Variants in ME1 observed in about 807,000 individuals in gnomAD.
ME1 encodes the protein NADP-dependent malic enzyme.
In ME1, 74 loss-of-function variants were observed where a neutral mutation model predicts 66.4. That is an observed-to-expected ratio of 1.11 (90% CI 0.92 to 1.35). The LOEUF is 1.35. ME1 is among the 40% of genes most tolerant of loss of function. The pLI is 0.00. For synonymous variants in ME1, 251 were observed against 235.6 expected (o/e 1.07, Z -0.60); for missense variants, 750 against 694.1 (o/e 1.08, Z -0.90).
chr6:83,231,028 G>A (rs973479065), intron 9 of ME1, among the ~76,000 whole-genome samples: 27 of 152,108 alleles, frequency 1.8e-4, no homozygotes, highest in African/African-American at 6.5e-4. Context: ...TTTTTAAGAG[G>A]TTATGTGCTA....
chr6:83,394,745 AT>A (rs1769696365), intron 3 of ME1, among the ~76,000 whole-genome samples: 1 of 152,196 alleles, frequency 6.6e-6, no homozygotes, highest in African/African-American at 2.4e-5. Context: ...GTAGAAAGAC[AT>A]ATGCAACTTG....
At chr6:83,313,252 A>G (rs1034684406) in intron 6 of ME1, among the ~76,000 whole-genome samples, 1 of 152,212 alleles carries the variant, frequency 6.6e-6, no homozygotes, top group Non-Finnish European at 1.5e-5. Context: ...GTTATGACAG[A>G]AAGTATTTTT....
At chr6:83,307,212 A>G (rs1767841524) in intron 6 of ME1, among the ~76,000 whole-genome samples, 1 of 152,002 alleles carries the variant, frequency 6.6e-6, no homozygotes. Flanking sequence ...ATGACCCACC[A>G]TTTTTGTTCA....
intron 6 of ME1, among the ~76,000 whole-genome samples, chr6:83,286,907 T>G (rs1767407424): frequency 6.6e-6 from 1 of 152,122 alleles, no homozygotes; most frequent in Non-Finnish European, 1.5e-5. Context: ...AAAAGCAGCT[T>G]AAAAAGAAAG....
At chr6:83,224,162 A>G (rs1790143857) in intron 11 of ME1, among the ~76,000 whole-genome samples, 1 of 152,160 alleles carries the variant, frequency 6.6e-6, no homozygotes, top group African/African-American at 2.4e-5. Flanking sequence ...CAGGAGGAGC[A>G]TGCAAAGTAC....
rs186406636 is a variant in ME1 at position 83,243,364 on chromosome 6, T to G, written c.815-3728A>C. On this transcript the variant is annotated intron_variant, in intron 7 of 13. Coordinates refer to ENST00000369705, the MANE Select transcript of ME1 (RefSeq NM_002395.6). ...ATTATATTTATATATTTATATAATA[T>G]ATTATATAATAGATTATATTTATAT... Among the ~76,000 whole-genome samples, 205 of 123,514 alleles carry G rather than the reference T, an allele frequency of 1.7e-3. 1 individual carries two copies. The highest frequency in any genetic ancestry group is 6.3e-3 in the African/African-American group (195 of 30,886). The allele number at this position is 123,514 out of a possible 152,430, so 81.0% of individuals were successfully genotyped here. A position where few individuals can be genotyped will look rare whatever the true frequency, so the allele number is the denominator to read the frequency against.
intron 6 of ME1, among the ~76,000 whole-genome samples, chr6:83,298,916 T>C (rs1767654236): frequency 6.9e-6 from 1 of 144,578 alleles, no homozygotes; most frequent in South Asian, 2.3e-4. Flanking sequence ...TGCTGTTCCA[T>C]TAGTCTATGT....
intron 6 of ME1, among the ~76,000 whole-genome samples, chr6:83,281,531 C>G (rs1462162024): frequency 6.6e-6 from 1 of 152,062 alleles, no homozygotes; most frequent in East Asian, 1.9e-4. Flanking sequence ...TCCGGCCAGG[C>G]ACAGTGGCTT....
At chr6:83,424,545 T>G (rs1770332296) in intron 1 of ME1, among the ~76,000 whole-genome samples, 1 of 152,048 alleles carries the variant, frequency 6.6e-6, no homozygotes, top group African/African-American at 2.4e-5. Context: ...AACACAAAAA[T>G]CAAAAGACAG....
At chr6:83,230,159 GT>G (rs1790275464) in intron 9 of ME1, among the ~76,000 whole-genome samples, 1 of 150,706 alleles carries the variant, frequency 6.6e-6, no homozygotes, top group African/African-American at 2.4e-5. Context: ...TGTTGTTGTT[GT>G]TTTTAATTTT....
chr6:83,326,983 T>C (rs984335410), intron 5 of ME1, among the ~76,000 whole-genome samples: 12 of 152,224 alleles, frequency 7.9e-5, no homozygotes, highest in African/African-American at 2.9e-4. Flanking sequence ...GAAGATTTTA[T>C]AGACATTTAT....
chr6:83,325,788 G>T (rs764287872), intron 5 of ME1, among the ~76,000 whole-genome samples: 3 of 151,804 alleles, frequency 2.0e-5, no homozygotes, highest in African/African-American at 4.8e-5. Flanking sequence ...TGACCATAGG[G>T]CCCAAAGTAA....
intron 3 of ME1, among the ~76,000 whole-genome samples, chr6:83,352,853 A>T (rs1443336865): frequency 6.6e-6 from 1 of 152,218 alleles, no homozygotes; most frequent in East Asian, 1.9e-4. Flanking sequence ...ACATACAGAG[A>T]ACCACATATA....
At chr6:83,393,140 C>T in intron 3 of ME1, 1 of 1,355,364 alleles carries the variant, frequency 7.4e-7, no homozygotes. Flanking sequence ...TGGACCTGAC[C>T]TGCCGTCTGG....
chr6:83,219,471 A>C (rs2128522866), intron 12 of ME1, among the ~76,000 whole-genome samples: 1 of 152,346 alleles, frequency 6.6e-6, no homozygotes, highest in Middle Eastern at 3.4e-3. Flanking sequence ...TCTCATCAGT[A>C]ATACAGGACT....
intron 6 of ME1, among the ~76,000 whole-genome samples, chr6:83,308,390 T>C (rs1232024406): frequency 6.6e-6 from 1 of 151,816 alleles, no homozygotes; most frequent in Non-Finnish European, 1.5e-5. Flanking sequence ...TAATAATCAT[T>C]AATGAAATTC....
intron 6 of ME1, among the ~76,000 whole-genome samples, chr6:83,313,984 T>C (rs1350030156): frequency 6.6e-6 from 1 of 152,106 alleles, no homozygotes; most frequent in Non-Finnish European, 1.5e-5. Flanking sequence ...AAAATAAACA[T>C]TATAATAAAA....
At chr6:83,270,909 T>C (rs1231704535) in intron 6 of ME1, among the ~76,000 whole-genome samples, 1 of 151,324 alleles carries the variant, frequency 6.6e-6, no homozygotes, top group Admixed American at 6.6e-5. Flanking sequence ...ATAAATAACA[T>C]AAGAATGTCA....
chr6:83,370,438 T>C (rs763054750), intron 3 of ME1, among the ~76,000 whole-genome samples: 1 of 152,104 alleles, frequency 6.6e-6, no homozygotes, highest in Non-Finnish European at 1.5e-5. Context: ...ATTGTTTGAA[T>C]ATGACATAAT....
Sources: gnomAD v4.1 joint callset for allele counts (sites outside exome capture counted in the v4.1 genomes callset) on GRCh38, gnomAD v4.1.1 for gene constraint, MANE v1.5 for transcripts, NCBI Gene and HGNC (gene_info 2026-07-23, HGNC 2026-07-21) for gene names.